The following FGF14 variants were observed in gnomAD, a reference collection of about 807,000 sequenced individuals.
The protein encoded by FGF14 is fibroblast growth factor 14, also known as fibroblast growth factor homologous factor 4.
FGF14 carries 5 observed loss-of-function variants against 25.5 expected under a neutral mutation model. The ratio of observed to expected loss-of-function variants is 0.20; its 90% CI spans 0.10 to 0.41. FGF14 has a LOEUF of 0.41. Ranked by LOEUF, FGF14 falls within the 10% of genes least tolerant of loss-of-function variation. The probability of loss-of-function intolerance (pLI) is 1.00; values close to 1 mark genes in which losing one functional copy is unlikely to be tolerated. For synonymous variants in FGF14, 138 were observed against 118.3 expected, an observed-to-expected ratio of 1.17 and a Z score of -1.08; for missense variants, 222 against 320.1, an observed-to-expected ratio of 0.69 and a Z score of 2.34.
intron 1 of FGF14, among the ~76,000 whole-genome samples, chr13:101,924,370 A>C (rs1198515245): frequency 6.6e-6 from 1 of 152,008 alleles, no homozygotes; most frequent in African/African-American, 2.4e-5. Context: ...ACATCTGCAC[A>C]CACATGTTGT....
At chr13:101,930,559 C>A (rs1452628734) in intron 1 of FGF14, among the ~76,000 whole-genome samples, 1 of 152,178 alleles carries the variant, frequency 6.6e-6, no homozygotes, top group East Asian at 1.9e-4. Context: ...CCTAGAGGGA[C>A]TCAGTCAGTT....
intron 1 of FGF14, among the ~76,000 whole-genome samples, chr13:102,103,131 G>C (rs1180335644): frequency 6.6e-6 from 1 of 152,094 alleles, no homozygotes; most frequent in East Asian, 1.9e-4. Context: ...CAAGAGGTGA[G>C]GACAGAAAGA....
intron 3 of FGF14, among the ~76,000 whole-genome samples, chr13:101,834,287 CATT>C (rs2042815757): frequency 6.6e-6 from 1 of 152,130 alleles, no homozygotes; most frequent in South Asian, 2.1e-4. Context: ...TGCATCAAAA[CATT>C]GTTGTAATCT....
chr13:102,141,789 T>C (rs2046653784), intron 1 of FGF14, among the ~76,000 whole-genome samples: 1 of 152,216 alleles, frequency 6.6e-6, no homozygotes, highest in South Asian at 2.1e-4. Flanking sequence ...TCTGACTTAC[T>C]GCATAAATTT....
At chr13:102,136,785 G>C (rs2046431176) in intron 1 of FGF14, among the ~76,000 whole-genome samples, 2 of 151,932 alleles carry the variant, frequency 1.3e-5, no homozygotes, top group South Asian at 2.1e-4. Flanking sequence ...CAAAATAAAA[G>C]TGGCATATTC....
chr13:101,877,277 T>C (rs548432968), intron 1 of FGF14, among the ~76,000 whole-genome samples: 12 of 152,306 alleles, frequency 7.9e-5, no homozygotes, highest in South Asian at 4.1e-4. Context: ...TACAACCAAA[T>C]TGATTTTGAT....
At chr13:102,274,905 ATAAT>A (rs965803177) in intron 1 of FGF14, among the ~76,000 whole-genome samples, 35 of 151,080 alleles carry the variant, frequency 2.3e-4, no homozygotes, top group African/African-American at 7.7e-4. Flanking sequence ...TAAATAATAA[ATAAT>A]TATTTATTAA....
chr13:102,103,352 C>T (rs1292110556), intron 1 of FGF14, among the ~76,000 whole-genome samples: 3 of 150,060 alleles, frequency 2.0e-5, no homozygotes, highest in African/African-American at 7.4e-5. Flanking sequence ...AAGAAAAAAA[C>T]TTATCTTAAG....
intron 1 of FGF14, among the ~76,000 whole-genome samples, chr13:101,983,281 C>A (rs1024534748): frequency 6.6e-6 from 1 of 152,126 alleles, no homozygotes. Context: ...TAGCATATGG[C>A]TTAATTCTAT....
In FGF14 at chr13:101,852,910, C is replaced by A. The variant is rs551655308; in HGVS notation, c.408+15815G>T. ...ATTTAGGTCACTATTTAAATACCAGCAATTGAAGCAAATTCCACCCTAAAT... is the reference window on the plus strand; with the variant it reads ...ATTTAGGTCACTATTTAAATACCAGAAATTGAAGCAAATTCCACCCTAAAT... On this transcript the variant is annotated intron_variant, in intron 3 of 4. Transcript: ENST00000376143. Among the ~76,000 whole-genome samples the A allele has an allele frequency of 4.0e-4, 61 of 152,180 alleles. 1 individual carries two copies. Among genetic ancestry groups the A allele is most frequent in the African/African-American group, 1.4e-3 (57 of 41,536 alleles).
chr13:101,883,773 G>A lies in FGF14; in HGVS notation c.194-8477C>T, dbSNP rs2045840489. The stretch of plus-strand genomic sequence containing the variant: ...ATTATTATCCTCACTTTAAAGATAA[G>A]AAAATGAGGCCAGGTATGGTGGCTC... On this transcript the variant is annotated intron_variant, in intron 1 of 4. Transcript: ENST00000376143. Among the ~76,000 whole-genome samples, 4 of 152,060 alleles carry A rather than the reference G, an allele frequency of 2.6e-5. No homozygotes were observed. The South Asian group carries it at 8.3e-4, about 32-fold the overall frequency.
At chr13:101,783,211 C>A (rs186623491) in intron 3 of FGF14, among the ~76,000 whole-genome samples, 1 of 152,004 alleles carries the variant, frequency 6.6e-6, no homozygotes, top group Admixed American at 6.6e-5. Context: ...GTGGCTCAAG[C>A]CTGTAATCCT....
At chr13:102,209,072 A>G (rs1330423805) in intron 1 of FGF14, among the ~76,000 whole-genome samples, 1 of 152,242 alleles carries the variant, frequency 6.6e-6, no homozygotes, top group Non-Finnish European at 1.5e-5. Flanking sequence ...CCAAGAATAC[A>G]CTTGCGAGGA....
intron 1 of FGF14, among the ~76,000 whole-genome samples, chr13:102,325,400 T>C (rs918168236): frequency 2.0e-5 from 3 of 152,096 alleles, no homozygotes; most frequent in African/African-American, 4.8e-5. Context: ...CTTGGGGCCA[T>C]TCAAAGACTG....
chr13:102,352,418 T>G lies in FGF14; in HGVS notation c.208+49053A>C, dbSNP rs567634049. Among the ~76,000 whole-genome samples, 30 of 152,226 alleles carry G rather than the reference T, an allele frequency of 2.0e-4. No individual in the cohort carries two copies. In the South Asian group the frequency reaches 6.2e-3, roughly 32 times the overall value. On this transcript the variant is annotated intron_variant, in intron 1 of 4. Coordinates refer to the FGF14 transcript ENST00000376131. ...TTTAGCTACTAAGGAGACAAGTTGT[T>G]TTAATAAATGGCTCATAAACCTTAT...
chr13:102,007,320 T>A (rs947112059), intron 1 of FGF14, among the ~76,000 whole-genome samples: 1 of 152,226 alleles, frequency 6.6e-6, no homozygotes, highest in Non-Finnish European at 1.5e-5. Flanking sequence ...TAATGCTTTA[T>A]GTATAGTGTA....
intron 1 of FGF14, among the ~76,000 whole-genome samples, chr13:102,022,189 A>G (rs933451004): frequency 1.3e-5 from 2 of 152,074 alleles, no homozygotes; most frequent in African/African-American, 4.8e-5. Context: ...AATCTGGGCA[A>G]GAAATAGCCC....
chr13:101,760,573 TC>T (rs560161548), intron 3 of FGF14, among the ~76,000 whole-genome samples: 140 of 152,280 alleles, frequency 9.2e-4, no homozygotes, highest in Non-Finnish European at 1.8e-3. Flanking sequence ...CGTCAGTGGC[TC>T]CCCATCCCTT....
At chr13:102,140,052 C>CG (rs930956314) in intron 1 of FGF14, among the ~76,000 whole-genome samples, 3 of 144,802 alleles carry the variant, frequency 2.1e-5, no homozygotes, top group Non-Finnish European at 3.0e-5. Flanking sequence ...GACCCCCCCC[C>CG]CCCCTTACAG....
Sources: allele counts gnomAD v4.1 joint callset (sites outside exome capture counted in the v4.1 genomes callset), GRCh38; gene constraint gnomAD v4.1.1; transcripts MANE v1.5; gene names NCBI Gene and HGNC (gene_info 2026-07-23, HGNC 2026-07-21).